The following THOC5 variants were observed in gnomAD, a reference collection of about 807,000 sequenced individuals.
The protein encoded by THOC5 is THO complex subunit 5, also known as Fms-interacting protein.
In THOC5, 43 loss-of-function variants were observed where a neutral mutation model predicts 92.9. The observed-to-expected ratio is 0.46, with a 90% CI of 0.36 to 0.60. THOC5 has a LOEUF of 0.60. Among genes scored for constraint, THOC5 ranks in the 20% least tolerant of loss-of-function variants. The pLI is 0.00. For missense variants in THOC5, 659 were observed against 849.4 expected (o/e 0.78, Z 2.79); for synonymous variants, 296 against 320.1 (o/e 0.92, Z 0.80).
At position 29,531,823 on chromosome 22, in the gene THOC5, A is replaced by G; in HGVS notation, c.847+8T>C. ...AGCCCCTTGTCCTCACCCAGGCCCC[A>G]TACTCACCACAGGCCTGCCCATACG... On this transcript the variant is annotated splice_region_variant and intron_variant, in intron 8 of 19. Transcript: ENST00000490103. 2 of 1,613,562 alleles carry G rather than the reference A, an allele frequency of 1.2e-6. No homozygotes were observed. Among genetic ancestry groups the G allele is most frequent in the Non-Finnish European group, 1.7e-6 (2 of 1,179,660 alleles).
At chr22:29,537,834 C>T (rs1349552423) in intron 6 of THOC5, among the ~76,000 whole-genome samples, 1 of 151,796 alleles carries the variant, frequency 6.6e-6, no homozygotes, top group Non-Finnish European at 1.5e-5. Context: ...GAGGTTGCAG[C>T]AAGCCGAGAT....
At chr22:29,531,613 A>T in intron 8 of THOC5, 1 of 1,293,930 alleles carries the variant, frequency 7.7e-7, no homozygotes, top group Non-Finnish European at 9.8e-7. Flanking sequence ...GAATGACTCA[A>T]AGCCACCCAT....
In THOC5 at chr22:29,528,879, G is replaced by A. The variant is rs2063597423; in HGVS notation, c.925+283C>T. On this transcript the variant is annotated intron_variant, in intron 9 of 19. Transcript: ENST00000490103. Reference sequence around the variant, plus strand: ...TTTAATCCACATAACAATCCTACATGAGGTGTTACTATCTGTTTTCACAAA... The same window carrying A: ...TTTAATCCACATAACAATCCTACATAAGGTGTTACTATCTGTTTTCACAAA... The A allele has an allele frequency of 5.7e-6, 3 of 523,874 alleles. No individual in the cohort carries two copies. The South Asian group carries it at 7.8e-5, about 14-fold the overall frequency. 32.5% of individuals were successfully genotyped at this position (523,874 alleles called of 1,614,324 possible).
At chr22:29,511,334 C>T in intron 18 of THOC5, 38 bp from the exon 19 acceptor site, 2 of 1,589,332 alleles carry the variant, frequency 1.3e-6, no homozygotes, top group Non-Finnish European at 1.7e-6. Context: ...GCACTACCTT[C>T]CTGCATGTGG....
intron 5 of THOC5, among the ~76,000 whole-genome samples, chr22:29,539,895 C>A (rs1415375652): frequency 2.0e-5 from 3 of 152,156 alleles, no homozygotes; most frequent in Non-Finnish European, 4.4e-5. Flanking sequence ...CGCGTAAGAA[C>A]AGAATGAGGA....
At position 29,517,318 on chromosome 22, in the gene THOC5, G is replaced by T; in HGVS notation, c.1538C>A (p.Ala513Asp). The part of the protein sequence containing the change: ...VTSDCQYLFP[A>D]KVVSRLVKWV... ...TTTCACCAGGCGAGAGACAACCTTGGCAGGGAAGAGGTACTGGCAATCACT... is the reference window on the plus strand; with the variant it reads ...TTTCACCAGGCGAGAGACAACCTTGTCAGGGAAGAGGTACTGGCAATCACT... The change falls in exon 16 of 20, where the codon GCC becomes GAC. Residue 513 changes from alanine (A) to aspartate (D), a missense_variant. Coordinates refer to ENST00000490103, the MANE Select transcript of THOC5 (RefSeq NM_003678.5). 4.3e-6 allele frequency: 7 copies of T among 1,614,184 alleles called. No homozygotes were observed. Among genetic ancestry groups the T allele is most frequent in the Non-Finnish European group, 5.1e-6 (6 of 1,180,026 alleles).
In THOC5 at chr22:29,539,338, C is replaced by G; in HGVS notation, c.591G>C (p.Gln197His). ...TLARLDWELEQRKRLAEKYRE... is the reference protein window; with the variant it reads ...TLARLDWELEHRKRLAEKYRE... ...GAAGGAGGAAATGCTACCTTTTCCG[C>G]TGCTCCAGCTCCCAGTCCAGACGTG... Residue 197 changes from glutamine (Q) to histidine (H), a missense_variant, in exon 6 of 20, where the codon CAG becomes CAC. Coordinates refer to ENST00000490103, the MANE Select transcript of THOC5 (RefSeq NM_003678.5). 1 of 1,613,512 alleles carries G rather than the reference C, an allele frequency of 6.2e-7. No homozygotes were observed. Among genetic ancestry groups the G allele is most frequent in the Non-Finnish European group, 8.5e-7 (1 of 1,179,710 alleles).
intron 17 of THOC5, among the ~76,000 whole-genome samples, chr22:29,512,771 T>C (rs1362209962): frequency 6.6e-6 from 1 of 152,142 alleles, no homozygotes; most frequent in African/African-American, 2.4e-5. Context: ...TACCATCAAA[T>C]AGTTGGAAGG....
At chr22:29,537,646 C>A (rs977174653) in intron 6 of THOC5, among the ~76,000 whole-genome samples, 1 of 152,100 alleles carries the variant, frequency 6.6e-6, no homozygotes, top group East Asian at 1.9e-4. Context: ...AATCCCAACA[C>A]TTTGGGAAGC....
Position 29,543,541 on chromosome 22 carries a change from G to T in THOC5, c.242C>A (p.Ala81Glu). The T allele has an allele frequency of 6.2e-7, 1 of 1,611,060 alleles. No individual in the cohort carries two copies. The highest frequency in any genetic ancestry group is 8.5e-7 in the Non-Finnish European group (1 of 1,177,814). The change falls in exon 4 of 20, where the codon GCA becomes GAA. Residue 81 changes from alanine to glutamate, a missense_variant and splice_region_variant. Coordinates refer to ENST00000490103, the MANE Select transcript of THOC5 (RefSeq NM_003678.5). Reference sequence around the variant, plus strand: ...GATCCTCCGTTCTTCTATTTCTATTGCCTGTGGGCAAAGAAAACAGTAAAG... The same window carrying T: ...GATCCTCCGTTCTTCTATTTCTATTTCCTGTGGGCAAAGAAAACAGTAAAG... ...DLKSRGGKDV[A>E]IEIEERRIQS...
At chr22:29,521,818 A>C (rs980602438) in intron 12 of THOC5, among the ~76,000 whole-genome samples, 6 of 152,194 alleles carry the variant, frequency 3.9e-5, no homozygotes, top group Non-Finnish European at 8.8e-5. Context: ...AAGGATGACA[A>C]GGCCCATTCT....
intron 6 of THOC5, among the ~76,000 whole-genome samples, chr22:29,537,794 G>C (rs2146528708): frequency 6.6e-6 from 1 of 152,168 alleles, no homozygotes; most frequent in East Asian, 2.0e-4. Flanking sequence ...AGGAGGCTGA[G>C]GCAGGAGAAT....
chr22:29,509,827 A>C, intron 19 of THOC5, among the ~76,000 whole-genome samples: 1 of 142,756 alleles, frequency 7.0e-6, no homozygotes, highest in Non-Finnish European at 1.5e-5. Flanking sequence ...GGTGAGGGAG[A>C]GGTAAGGCAC....
rs751091978 is a variant in THOC5, at chr22:29,544,545, T to A, written c.155A>T (p.Tyr52Phe). The change falls in exon 3 of 20, where the codon TAT becomes TTT. Residue 52 changes from tyrosine to phenylalanine, a missense_variant. Coordinates refer to ENST00000490103, the MANE Select transcript of THOC5 (RefSeq NM_003678.5). The part of the protein sequence containing the change: ...EVDLRDPGRD[Y>F]ELYKYTCQEL... ...CTGGCAGGTGTACTTGTATAACTCA[T>A]AGTCTCTGCCAGGGTCCCGCAGATC... The A allele has an allele frequency of 1.9e-6, 3 of 1,613,890 alleles. No homozygotes were observed.
At chr22:29,511,007 T>C (rs1248126614) in intron 19 of THOC5, 99 bp downstream of exon 19, 5 of 1,351,672 alleles carry the variant, frequency 3.7e-6, no homozygotes, top group Non-Finnish European at 4.1e-6. Context: ...GCAGGGGAAG[T>C]TTCAGGAAGG....
intron 5 of THOC5, among the ~76,000 whole-genome samples, chr22:29,542,054 CCTT>C (rs971614784): frequency 7.9e-5 from 12 of 151,682 alleles, no homozygotes; most frequent in Admixed American, 2.0e-4. Flanking sequence ...ACTCCTTCCT[CCTT>C]CTCATCTCTC....
chr22:29,519,466 G>T (rs997519517), intron 14 of THOC5, among the ~76,000 whole-genome samples: 3 of 152,310 alleles, frequency 2.0e-5, no homozygotes, highest in Non-Finnish European at 4.4e-5. Context: ...CCAGAGCAAG[G>T]ACTCAAGTTG....
intron 7 of THOC5, chr22:29,536,046 A>C (rs2063754408): frequency 6.6e-6 from 1 of 152,280 alleles, no homozygotes; most frequent in Non-Finnish European, 1.5e-5. Context: ...GAAGAAAAGC[A>C]AATTTATCTC....
intron 7 of THOC5, among the ~76,000 whole-genome samples, 187 bp from the exon 8 acceptor site, chr22:29,532,150 GA>G (rs1461843981): frequency 6.6e-6 from 1 of 152,118 alleles, no homozygotes; most frequent in Non-Finnish European, 1.5e-5. Context: ...AAACAGTAAG[GA>G]AATAAAATTG....
Sources: gnomAD v4.1 joint callset for allele counts (sites outside exome capture counted in the v4.1 genomes callset) on GRCh38, gnomAD v4.1.1 for gene constraint, MANE v1.5 for transcripts, NCBI Gene and HGNC (gene_info 2026-07-23, HGNC 2026-07-21) for gene names.